Variants in KIF2A observed in about 807,000 individuals in gnomAD.
KIF2A encodes kinesin family member 2A.
A neutral mutation model predicts 100.2 loss-of-function variants in KIF2A; 22 were observed. That is an observed-to-expected ratio of 0.22 (90% CI 0.16 to 0.31). The LOEUF is 0.31. Among genes scored for constraint, KIF2A ranks in the 10% least tolerant of loss-of-function variants. KIF2A has a pLI of 1.00. For missense variants in KIF2A, 495 were observed against 898.7 expected (o/e 0.55, Z 5.74); for synonymous variants, 268 against 285.9 (o/e 0.94, Z 0.63).
chr5:62,342,774 A>C (rs1296196588), intron 1 of KIF2A, among the ~76,000 whole-genome samples: 1 of 142,932 alleles, frequency 7.0e-6, no homozygotes, highest in Non-Finnish European at 1.5e-5. Context: ...TTTTTTTTTG[A>C]AGTGGAGTCT....
intron 13 of KIF2A, among the ~76,000 whole-genome samples, 164 bp downstream of exon 13, chr5:62,363,484 C>T (rs902885827): frequency 1.3e-5 from 2 of 152,128 alleles, no homozygotes; most frequent in Non-Finnish European, 2.9e-5. Flanking sequence ...TATATTGATA[C>T]TACATTACAA....
At position 62,387,570 on chromosome 5, in the gene KIF2A, T is replaced by C. The variant is rs1037769304; in HGVS notation, c.*2001T>C. The C allele has an allele frequency of 1.3e-5, 2 of 152,100 alleles. No homozygotes were observed. Among genetic ancestry groups the C allele is most frequent in the African/African-American group, 4.8e-5 (2 of 41,428 alleles). The allele number at this position is 152,100 out of a possible 1,614,324, so 9.4% of individuals were successfully genotyped here. A position where few individuals can be genotyped will look rare whatever the true frequency, so the allele number is the denominator to read the frequency against. ...AGATACTGGAGGTAATATAATACAG[T>C]CCTTCAGCTTTACAGATAGTGAAAA... On this transcript the variant is annotated 3_prime_UTR_variant, in exon 21 of 21. Coordinates refer to ENST00000407818, the MANE Select transcript of KIF2A (RefSeq NM_001098511.3).
At chr5:62,381,291 G>T in intron 20 of KIF2A, 38 bp downstream of exon 20, 1 of 1,574,180 alleles carries the variant, frequency 6.4e-7, no homozygotes. Flanking sequence ...AAATCTGATT[G>T]GTATTGGTAT....
intron 1 of KIF2A, among the ~76,000 whole-genome samples, chr5:62,345,674 CAAT>C (rs1394588570): frequency 1.3e-5 from 2 of 151,944 alleles, no homozygotes; most frequent in African/African-American, 4.8e-5. Context: ...ATTTCATAAA[CAAT>C]AATACTTATT....
chr5:62,381,334 A>G (rs1741762882), intron 20 of KIF2A, 81 bp downstream of exon 20: 6 of 1,158,874 alleles, frequency 5.2e-6, no homozygotes, highest in Non-Finnish European at 7.6e-6. Context: ...TCGTATTGCA[A>G]GAGGACATAC....
Position 62,385,850 on chromosome 5 carries a change from G to C in KIF2A, c.*281G>C. 1 of 400,176 alleles carries C rather than the reference G, an allele frequency of 2.5e-6. No homozygotes were observed. Among genetic ancestry groups the C allele is most frequent in the South Asian group, 2.9e-5 (1 of 34,480 alleles). The allele number at this position is 400,176 out of a possible 1,614,324, so 24.8% of individuals were successfully genotyped here. ...TCCTTGTCAGTTTTATTTTCTATTT[G>C]ATGAAGTAAGACTGTGGACTCAATC... is the stretch of plus-strand genomic sequence containing the variant. On this transcript the variant is annotated 3_prime_UTR_variant, in exon 21 of 21. Transcript: ENST00000407818.
At chr5:62,372,134 A>G (rs1421707055) in intron 16 of KIF2A, among the ~76,000 whole-genome samples, 1 of 152,190 alleles carries the variant, frequency 6.6e-6, no homozygotes, top group African/African-American at 2.4e-5. Context: ...TTGAGTGGTC[A>G]TGTAGTTAGG....
rs529721325 is a variant in KIF2A at position 62,387,380 on chromosome 5, A to C, written c.*1811A>C. 6.6e-6 allele frequency: 1 copy of C among 152,198 alleles called. No individual in the cohort carries two copies. The highest frequency in any genetic ancestry group is 6.5e-5 in the Admixed American group (1 of 15,274). The allele number at this position is 152,198 out of a possible 1,614,324, so 9.4% of individuals were successfully genotyped here. A position where few individuals can be genotyped will look rare whatever the true frequency, so the allele number is the denominator to read the frequency against. ...AACCAACTTTCAAAGGGCAATAAAGACATGTGAATTTGCTCATTTTAAAGC... is the reference window on the plus strand; with the variant it reads ...AACCAACTTTCAAAGGGCAATAAAGCCATGTGAATTTGCTCATTTTAAAGC... On this transcript the variant is annotated 3_prime_UTR_variant, in exon 21 of 21. Transcript: ENST00000407818.
intron 18 of KIF2A, among the ~76,000 whole-genome samples, chr5:62,377,410 G>A (rs1207949185): frequency 6.6e-6 from 1 of 152,002 alleles, no homozygotes; most frequent in Non-Finnish European, 1.5e-5. Flanking sequence ...AGCATAGTTC[G>A]GCAATAAAGC....
chr5:62,370,418 C>T (rs1376900225), intron 16 of KIF2A, among the ~76,000 whole-genome samples: 2 of 152,162 alleles, frequency 1.3e-5, no homozygotes, highest in Non-Finnish European at 2.9e-5. Context: ...CTCAGCCTCC[C>T]GAGTAGCTGG....
intron 18 of KIF2A, among the ~76,000 whole-genome samples, chr5:62,374,074 T>C (rs1225213495): frequency 6.6e-6 from 1 of 152,128 alleles, no homozygotes; most frequent in East Asian, 1.9e-4. Context: ...CATCCAGATG[T>C]GGTGGTATAC....
chr5:62,312,423 T>C (rs1745599700), intron 1 of KIF2A, among the ~76,000 whole-genome samples: 1 of 152,218 alleles, frequency 6.6e-6, no homozygotes, highest in African/African-American at 2.4e-5. Flanking sequence ...AGAAGTATAG[T>C]TGTGATTAAT....
intron 8 of KIF2A, 85 bp downstream of exon 8, chr5:62,357,830 G>C: frequency 1.2e-6 from 1 of 860,938 alleles, no homozygotes; most frequent in Non-Finnish European, 1.8e-6. Flanking sequence ...AATTGGTTTG[G>C]AAAAAATGTA....
In KIF2A at chr5:62,388,935, C is replaced by T. The variant is rs1173632672; in HGVS notation, c.*3366C>T. On this transcript the variant is annotated 3_prime_UTR_variant, in exon 21 of 21. Coordinates refer to ENST00000407818, the MANE Select transcript of KIF2A (RefSeq NM_001098511.3). ...AAATAATGTCTCAGTAAAGCAAAAG[C>T]ATTATCTTCTCAAATACAAAAAATA... 7.2e-7 allele frequency: 1 copy of T among 1,383,882 alleles called. No individual in the cohort carries two copies. 85.7% of individuals were successfully genotyped at this position (1,383,882 alleles called of 1,614,324 possible).
chr5:62,351,161 G>C (rs373546198), intron 4 of KIF2A, among the ~76,000 whole-genome samples: 29 of 152,166 alleles, frequency 1.9e-4, no homozygotes, highest in South Asian at 1.7e-3. Flanking sequence ...GAACCCAGGA[G>C]GTGGAGGTTC....
At chr5:62,383,464 C>T (rs1318975215) in intron 20 of KIF2A, among the ~76,000 whole-genome samples, 1 of 149,428 alleles carries the variant, frequency 6.7e-6, no homozygotes, top group African/African-American at 2.5e-5. Context: ...AGGATGGTCT[C>T]GATCTCCTGA....
intron 1 of KIF2A, among the ~76,000 whole-genome samples, chr5:62,329,097 A>G (rs537450075): frequency 1.7e-4 from 26 of 152,308 alleles, no homozygotes; most frequent in African/African-American, 5.8e-4. Flanking sequence ...CGTAATGAAA[A>G]TCTTAGCTAT....
chr5:62,322,649 C>T (rs1037524925), intron 1 of KIF2A, among the ~76,000 whole-genome samples: 1 of 152,106 alleles, frequency 6.6e-6, no homozygotes, highest in African/African-American at 2.4e-5. Context: ...TACCTTGCAA[C>T]TCTAGTCTCA....
intron 9 of KIF2A, among the ~76,000 whole-genome samples, chr5:62,359,468 A>AT (rs1319502912): frequency 6.6e-6 from 1 of 150,568 alleles, no homozygotes; most frequent in Admixed American, 6.6e-5. Context: ...AAAAAAAAAA[A>AT]GGATCAAATT....
Sources: gnomAD v4.1 joint callset for allele counts (sites outside exome capture counted in the v4.1 genomes callset) on GRCh38, gnomAD v4.1.1 for gene constraint, MANE v1.5 for transcripts, NCBI Gene and HGNC (gene_info 2026-07-23, HGNC 2026-07-21) for gene names.